Variants in PTPRM observed in about 807,000 individuals in gnomAD.
PTPRM encodes the protein protein tyrosine phosphatase receptor type M.
PTPRM carries 47 observed loss-of-function variants against 186.7 expected under a neutral mutation model. The ratio of observed to expected loss-of-function variants is 0.25; its 90% CI spans 0.20 to 0.32. The LOEUF is 0.32. PTPRM is among the 10% of genes least tolerant of loss of function. PTPRM has a pLI of 1.00. For missense variants in PTPRM, 1,494 were observed against 1,865.0 expected, an observed-to-expected ratio of 0.80 and a Z score of 3.66; for synonymous variants, 668 against 674.9, an observed-to-expected ratio of 0.99 and a Z score of 0.16.
At chr18:8,176,821 C>T (rs929315056) in intron 14 of PTPRM, among the ~76,000 whole-genome samples, 1 of 152,312 alleles carries the variant, frequency 6.6e-6, no homozygotes, top group South Asian at 2.1e-4. Flanking sequence ...ATAATAAAGG[C>T]TGCCACTCTG....
rs571176160 is a variant in PTPRM, at chr18:7,964,230, T to G, written c.1132+8816T>G. Among the ~76,000 whole-genome samples the G allele has an allele frequency of 1.0e-3, 159 of 152,362 alleles. 2 individuals carry two copies. The highest frequency in any genetic ancestry group is 1.8e-3 in the Non-Finnish European group (122 of 68,034). On this transcript the variant is annotated intron_variant, in intron 7 of 32. Transcript: ENST00000580170. ...TGTTTTAAAAGGACTTGGAGCATAA[T>G]TGACTGCTTTAAATTATCATAGAGG... is the stretch of plus-strand genomic sequence containing the variant.
intron 1 of PTPRM, among the ~76,000 whole-genome samples, chr18:7,637,544 G>A (rs987642337): frequency 1.3e-5 from 2 of 152,218 alleles, no homozygotes; most frequent in Non-Finnish European, 2.9e-5. Flanking sequence ...GGCATCTACT[G>A]TGTGCCAGGC....
At chr18:8,009,961 CCTA>C (rs1222351919) in intron 7 of PTPRM, among the ~76,000 whole-genome samples, 1 of 152,054 alleles carries the variant, frequency 6.6e-6, no homozygotes, top group African/African-American at 2.4e-5. Context: ...ACTTTACATT[CCTA>C]CTAATAGTAA....
chr18:7,905,606 C>T (rs899555311), intron 3 of PTPRM, among the ~76,000 whole-genome samples: 12 of 152,122 alleles, frequency 7.9e-5, no homozygotes, highest in Non-Finnish European at 1.6e-4. Flanking sequence ...ACCTTTGTGG[C>T]GGTAGGTCCC....
intron 14 of PTPRM, among the ~76,000 whole-genome samples, chr18:8,177,440 G>A (rs968471019): frequency 1.3e-5 from 2 of 152,236 alleles, no homozygotes; most frequent in African/African-American, 4.8e-5. Context: ...ACAGAAGGCA[G>A]GTACAGAAAG....
chr18:7,700,788 C>T (rs762185396), intron 1 of PTPRM, among the ~76,000 whole-genome samples: 1 of 151,090 alleles, frequency 6.6e-6, no homozygotes, highest in African/African-American at 2.4e-5. Flanking sequence ...CTCAGGAGTT[C>T]AAGACTAGCC....
chr18:7,784,909 A>C (rs1372091105), intron 2 of PTPRM, among the ~76,000 whole-genome samples: 4 of 152,166 alleles, frequency 2.6e-5, no homozygotes, highest in Admixed American at 2.6e-4. Context: ...GCTGCCACCC[A>C]GTTGGAGGCC....
At chr18:7,997,856 A>G (rs922949977) in intron 7 of PTPRM, among the ~76,000 whole-genome samples, 1 of 152,320 alleles carries the variant, frequency 6.6e-6, no homozygotes, top group Admixed American at 6.5e-5. Flanking sequence ...TAATGTGGCT[A>G]TTATCCAAAG....
In PTPRM at chr18:7,607,386, C is replaced by T. The variant is rs547364601; in HGVS notation, c.73+39495C>T. Among the ~76,000 whole-genome samples the T allele has an allele frequency of 4.0e-5, 6 of 151,838 alleles. No homozygotes were observed. In the East Asian group the frequency reaches 5.8e-4, roughly 15 times the overall value. The stretch of plus-strand genomic sequence containing the variant: ...GAACGACTGATGTGCTGGGGTGTGC[C>T]GAGTTGTCTCTTCTGCACATCTCTC... On this transcript the variant is annotated intron_variant, in intron 1 of 32. Transcript: ENST00000580170.
At chr18:8,228,360 G>A (rs955953723) in intron 14 of PTPRM, among the ~76,000 whole-genome samples, 1 of 152,108 alleles carries the variant, frequency 6.6e-6, no homozygotes, top group Non-Finnish European at 1.5e-5. Flanking sequence ...TAGGGAAGGT[G>A]CCCCAGCCAG....
rs572208286 is a variant in PTPRM, at chr18:7,678,082, G to C, written c.74-96067G>C. 4.1e-4 allele frequency among the ~76,000 whole-genome samples: 62 copies of C among 152,166 alleles called. 1 individual carries two copies. The South Asian group carries it at 9.1e-3, about 22-fold the overall frequency. On this transcript the variant is annotated intron_variant, in intron 1 of 32. Transcript: ENST00000580170. ...TGTGTGTATTTGTGGAATGAAAGAG[G>C]GGGGAAGGAAGGACTTGACACTTAG...
At chr18:8,221,273 G>A (rs1400220403) in intron 14 of PTPRM, among the ~76,000 whole-genome samples, 1 of 152,096 alleles carries the variant, frequency 6.6e-6, no homozygotes, top group Non-Finnish European at 1.5e-5. Flanking sequence ...TCGCTGTGGG[G>A]GTTGGTTTCA....
intron 2 of PTPRM, among the ~76,000 whole-genome samples, chr18:7,841,215 G>A (rs984552547): frequency 2.0e-5 from 3 of 150,500 alleles, no homozygotes; most frequent in Non-Finnish European, 4.4e-5. Flanking sequence ...TTCCTTATAG[G>A]AATAGAATAG....
intron 23 of PTPRM, among the ~76,000 whole-genome samples, chr18:8,370,243 G>A (rs926854506): frequency 1.3e-5 from 2 of 152,004 alleles, no homozygotes; most frequent in Non-Finnish European, 2.9e-5. Context: ...ATATGACAGT[G>A]GAGTGCTTCA....
chr18:7,940,035 G>T (rs2052067727), intron 5 of PTPRM, among the ~76,000 whole-genome samples: 1 of 152,152 alleles, frequency 6.6e-6, no homozygotes, highest in Non-Finnish European at 1.5e-5. Context: ...ATGGGGAAAG[G>T]ACGGTAGGGG....
intron 13 of PTPRM, among the ~76,000 whole-genome samples, chr18:8,123,637 G>C (rs2092250269): frequency 6.6e-6 from 1 of 152,108 alleles, no homozygotes; most frequent in Non-Finnish European, 1.5e-5. Flanking sequence ...GACTCTTCCT[G>C]CTCCTGAACT....
At chr18:8,334,270 C>A (rs1025728689) in intron 22 of PTPRM, among the ~76,000 whole-genome samples, 1 of 152,200 alleles carries the variant, frequency 6.6e-6, no homozygotes, top group Non-Finnish European at 1.5e-5. Context: ...TGGCAAGAGT[C>A]CCCCTTGGTT....
chr18:7,924,709 T>A (rs1233158139), intron 4 of PTPRM, among the ~76,000 whole-genome samples: 1 of 152,200 alleles, frequency 6.6e-6, no homozygotes, highest in Non-Finnish European at 1.5e-5. Flanking sequence ...TTGCATCAAG[T>A]GCTGTGGCCG....
chr18:8,099,139 TTC>T lies in PTPRM; in HGVS notation c.1856+10306_1856+10307del, dbSNP rs138039597. 1.6e-3 allele frequency among the ~76,000 whole-genome samples: 238 copies of T among 149,248 alleles called. 2 individuals are homozygous for T. Among genetic ancestry groups the T allele is most frequent in the Middle Eastern group, 3.4e-3 (1 of 292 alleles). On this transcript the variant is annotated intron_variant, in intron 11 of 32. Transcript: ENST00000580170. The stretch of plus-strand genomic sequence containing the variant: ...CACACACAGTCTCTCCACAGTCTCT[TTC>T]TCTCTCTCTCTCTCTCTTTCTCTCT...
Sources: gnomAD v4.1 joint callset for allele counts (sites outside exome capture counted in the v4.1 genomes callset) on GRCh38, gnomAD v4.1.1 for gene constraint, MANE v1.5 for transcripts, NCBI Gene and HGNC (gene_info 2026-07-23, HGNC 2026-07-21) for gene names.